PPP1R42: variants seen among roughly 807,000 people sequenced by gnomAD.
PPP1R42 encodes leucine rich repeat containing 67.
Under a neutral mutation model 31.0 loss-of-function variants are expected in PPP1R42, and 34 were observed. The ratio of observed to expected loss-of-function variants is 1.10; its 90% CI spans 0.83 to 1.46. PPP1R42 has a LOEUF of 1.46. PPP1R42 is among the 40% of genes most tolerant of loss of function. PPP1R42 has a pLI of 0.00. For missense variants in PPP1R42, 268 were observed against 303.0 expected (o/e 0.88, Z 0.86); for synonymous variants, 103 against 109.8 (o/e 0.94, Z 0.39).
intron 5 of PPP1R42, among the ~76,000 whole-genome samples, chr8:66,989,920 C>T (rs1815138604): frequency 6.6e-6 from 1 of 152,162 alleles, no homozygotes; most frequent in African/African-American, 2.4e-5. Context: ...AGTTCTCTGC[C>T]TGTTTGCCTG....
chr8:66,967,874 T>C (rs1814429131), intron 7 of PPP1R42, among the ~76,000 whole-genome samples: 1 of 152,062 alleles, frequency 6.6e-6, no homozygotes. Flanking sequence ...AAGTAACAAT[T>C]AGTTTTTCAT....
intron 6 of PPP1R42, chr8:66,985,142 T>C: frequency 8.6e-7 from 1 of 1,158,904 alleles, no homozygotes; most frequent in Non-Finnish European, 1.3e-6. Flanking sequence ...TGGATGTCTG[T>C]TTTTTGAGCT....
intron 6 of PPP1R42, among the ~76,000 whole-genome samples, chr8:66,983,639 A>G (rs1184328819): frequency 6.6e-6 from 1 of 152,208 alleles, no homozygotes; most frequent in Non-Finnish European, 1.5e-5. Flanking sequence ...TTTCAGGGAT[A>G]ATGACAATAT....
intron 5 of PPP1R42, among the ~76,000 whole-genome samples, chr8:67,003,434 A>G (rs1237818435): frequency 7.5e-6 from 1 of 133,124 alleles, no homozygotes; most frequent in African/African-American, 2.8e-5. Context: ...TCTAAAAGCA[A>G]GATTTTTGTG....
At chr8:67,010,646 C>T (rs1244087232) in intron 5 of PPP1R42, 69 bp downstream of exon 5, 17 of 1,042,396 alleles carry the variant, frequency 1.6e-5, no homozygotes, top group Middle Eastern at 5.2e-4. Context: ...TATTTTATAG[C>T]TATTACAAAA....
At chr8:66,969,041 A>T (rs1005828321) in intron 7 of PPP1R42, among the ~76,000 whole-genome samples, 3 of 152,166 alleles carry the variant, frequency 2.0e-5, no homozygotes, top group Admixed American at 6.5e-5. Flanking sequence ...TTTGTATTTT[A>T]AAAAATGCAT....
At chr8:67,014,370 T>G (rs960763262) in intron 3 of PPP1R42, 56 bp downstream of exon 3, 53 of 1,077,244 alleles carry the variant, frequency 4.9e-5, no homozygotes, top group Middle Eastern at 3.0e-4. Flanking sequence ...TGCAAAAAAA[T>G]GTAAGTACCA....
intron 1 of PPP1R42, among the ~76,000 whole-genome samples, chr8:67,020,111 G>A (rs184313156): frequency 6.6e-6 from 1 of 152,126 alleles, no homozygotes; most frequent in African/African-American, 2.4e-5. Flanking sequence ...AAATGAAGCT[G>A]GCCTAGAAAT....
chr8:66,996,132 C>T (rs1815325919), intron 5 of PPP1R42, among the ~76,000 whole-genome samples: 1 of 152,158 alleles, frequency 6.6e-6, no homozygotes, highest in African/African-American at 2.4e-5. Context: ...CTCACTGCAG[C>T]TTTGACCTCC....
At chr8:67,014,031 T>G (rs1441751758) in intron 3 of PPP1R42, among the ~76,000 whole-genome samples, 5 of 152,218 alleles carry the variant, frequency 3.3e-5, no homozygotes, top group African/African-American at 1.2e-4. Context: ...TATATGATTC[T>G]GAAAGGCACA....
At chr8:67,000,549 G>A (rs553448109) in intron 5 of PPP1R42, among the ~76,000 whole-genome samples, 9 of 150,790 alleles carry the variant, frequency 6.0e-5, no homozygotes, top group African/African-American at 1.5e-4. Flanking sequence ...CCTCCACCTC[G>A]TAGGCTCAAA....
Position 66,982,142 on chromosome 8 carries a change from G to A in PPP1R42, c.709C>T (p.Gln237Ter). The change falls in exon 7 of 8, where the codon CAA becomes TAA. Residue 237 changes from glutamine to a stop codon, truncating the protein, a stop_gained. Coordinates refer to ENST00000685739, the MANE Select transcript of PPP1R42 (RefSeq NM_001364910.1). LOFTEE classifies it high-confidence loss of function. ...GATGCTTTCCAATTCATTAGGAATT[G>A]TCTTTCTATATTTTTAATTTCTTTT... ...DGKEIKNIERQFLMNWKASKD... is the reference protein window; with the variant it reads ...DGKEIKNIER 2 of 1,465,876 alleles carry A rather than the reference G, an allele frequency of 1.4e-6. No homozygotes were observed. The highest frequency in any genetic ancestry group is 2.8e-5 in the South Asian group (2 of 71,628). 90.8% of individuals were successfully genotyped at this position (1,465,876 alleles called of 1,614,324 possible).
chr8:67,017,774 C>T lies in PPP1R42; in HGVS notation c.-27G>A, dbSNP rs1388961227. The stretch of plus-strand genomic sequence containing the variant: ...ATTTCTTTATAAATCAAACTCTCAG[C>T]AAAAGCTCTGTTTTGACACCATGTC... On this transcript the variant is annotated 5_prime_UTR_variant, in exon 2 of 8. Coordinates refer to ENST00000685739, the MANE Select transcript of PPP1R42 (RefSeq NM_001364910.1). The T allele has an allele frequency of 1.3e-6, 2 of 1,555,760 alleles. No homozygotes were observed. Among genetic ancestry groups the T allele is most frequent in the Non-Finnish European group, 8.7e-7 (1 of 1,155,242 alleles).
intron 4 of PPP1R42, among the ~76,000 whole-genome samples, chr8:67,012,683 T>A (rs562290407): frequency 6.6e-6 from 1 of 152,358 alleles, no homozygotes; most frequent in South Asian, 2.1e-4. Context: ...TGAATGAACA[T>A]CTGTATTAGA....
intron 5 of PPP1R42, among the ~76,000 whole-genome samples, chr8:66,998,837 A>G (rs1038162487): frequency 2.6e-5 from 4 of 152,110 alleles, no homozygotes; most frequent in African/African-American, 9.7e-5. Flanking sequence ...GGTGAATTAC[A>G]TTCATTTATT....
At chr8:66,986,893 G>C (rs1815034907) in intron 6 of PPP1R42, among the ~76,000 whole-genome samples, 2 of 152,094 alleles carry the variant, frequency 1.3e-5, no homozygotes, top group Admixed American at 1.3e-4. Context: ...GGCTGGGCCG[G>C]TGGCTCATGT....
In PPP1R42 at chr8:66,973,213, A is replaced by G. The variant is rs182238082; in HGVS notation, c.802+8836T>C. On this transcript the variant is annotated intron_variant, in intron 7 of 7. Coordinates refer to ENST00000685739, the MANE Select transcript of PPP1R42 (RefSeq NM_001364910.1). ...ACAAGGTCTGAAATGAAGCTTACATACTATAACATTCTATATGGACTTTTA... is the reference window on the plus strand; with the variant it reads ...ACAAGGTCTGAAATGAAGCTTACATGCTATAACATTCTATATGGACTTTTA... Among the ~76,000 whole-genome samples the G allele has an allele frequency of 2.0e-5, 3 of 152,248 alleles. No homozygotes were observed. The East Asian group carries it at 5.8e-4, about 29-fold the overall frequency.
intron 2 of PPP1R42, among the ~76,000 whole-genome samples, chr8:67,015,589 C>G (rs1283982915): frequency 6.7e-6 from 1 of 150,198 alleles, no homozygotes; most frequent in African/African-American, 2.4e-5. Flanking sequence ...TGAAAAAGAA[C>G]ATCAATTACT....
intron 5 of PPP1R42, among the ~76,000 whole-genome samples, chr8:66,992,374 C>T (rs1397437379): frequency 6.6e-6 from 1 of 151,958 alleles, no homozygotes. Context: ...AGCCACATAC[C>T]GAGAACTGAA....
Sources: gnomAD v4.1 joint callset for allele counts (sites outside exome capture counted in the v4.1 genomes callset) on GRCh38, gnomAD v4.1.1 for gene constraint, MANE v1.5 for transcripts, NCBI Gene and HGNC (gene_info 2026-07-23, HGNC 2026-07-21) for gene names.